SUPT3H: variants seen among roughly 807,000 people sequenced by gnomAD.
SUPT3H encodes SPT3 homolog, SAGA and STAGA complex component.
In SUPT3H, 44 loss-of-function variants were observed where a neutral mutation model predicts 44.3. The ratio of observed to expected loss-of-function variants is 0.99; its 90% CI spans 0.78 to 1.28. The LOEUF is 1.28. SUPT3H is among the 50% of genes most tolerant of loss of function. The pLI, the probability that SUPT3H is intolerant of heterozygous loss-of-function variation, is 0.00. For missense variants in SUPT3H, 380 were observed against 387.1 expected (o/e 0.98, Z 0.15); for synonymous variants, 124 against 125.6 (o/e 0.99, Z 0.09).
rs573548440 is a variant in SUPT3H, at chr6:45,018,709, G to T, written c.273+1837C>A. Among the ~76,000 whole-genome samples the T allele has an allele frequency of 4.3e-4, 66 of 152,150 alleles. No homozygotes were observed. In the South Asian group the frequency reaches 0.014, roughly 32 times the overall value. On this transcript the variant is annotated intron_variant, in intron 4 of 10. Coordinates refer to ENST00000371459, the MANE Select transcript of SUPT3H (RefSeq NM_003599.4). ...CCATGGATGAAGCCCACTTGATCAT[G>T]GTGGATAAGCTTTTTGATGTGCTGC...
At chr6:45,062,656 G>A (rs571879595) in intron 3 of SUPT3H, among the ~76,000 whole-genome samples, 205 of 152,338 alleles carry the variant, frequency 1.3e-3, no homozygotes, top group African/African-American at 4.6e-3. Flanking sequence ...TGGGAAGCGC[G>A]AGGGGTCAGG....
intron 2 of SUPT3H, among the ~76,000 whole-genome samples, chr6:45,150,272 G>A (rs1403472398): frequency 2.0e-5 from 3 of 152,108 alleles, no homozygotes; most frequent in Non-Finnish European, 2.9e-5. Flanking sequence ...GTAGCATTCA[G>A]ATATAGCTTA....
At chr6:45,280,695 G>A (rs34927422) in intron 2 of SUPT3H, among the ~76,000 whole-genome samples, 26,946 of 152,130 alleles carry the variant, frequency 0.18, 3,671 homozygotes, top group African/African-American at 0.38. Context: ...GTAATAAAAG[G>A]TCTATTGTGG....
At chr6:45,235,275 C>G (rs1186652773) in intron 2 of SUPT3H, among the ~76,000 whole-genome samples, 1 of 152,082 alleles carries the variant, frequency 6.6e-6, no homozygotes, top group African/African-American at 2.4e-5. Flanking sequence ...ATGAATAATT[C>G]TAATAACTGA....
At position 45,284,451 on chromosome 6, in the gene SUPT3H, G is replaced by A. The variant is rs560218277; in HGVS notation, c.101+80750C>T. ...CACAGAAATACAAACTATCATCAGA[G>A]AATACTATAAACACCTCTACGCAAA... On this transcript the variant is annotated intron_variant, in intron 2 of 10. Transcript: ENST00000371459. 2.0e-5 allele frequency among the ~76,000 whole-genome samples: 3 copies of A among 152,232 alleles called. 1 individual carries two copies. In the South Asian group the frequency reaches 6.2e-4, roughly 32 times the overall value.
At chr6:45,073,611 A>G (rs1269268314) in intron 3 of SUPT3H, among the ~76,000 whole-genome samples, 2 of 152,052 alleles carry the variant, frequency 1.3e-5, no homozygotes, top group Non-Finnish European at 2.9e-5. Context: ...TAGAATAGTC[A>G]CTAATTTATG....
At chr6:44,830,973 A>T (rs1768577859) in intron 10 of SUPT3H, among the ~76,000 whole-genome samples, 1 of 152,070 alleles carries the variant, frequency 6.6e-6, no homozygotes, top group Non-Finnish European at 1.5e-5. Flanking sequence ...AAATAATTAA[A>T]CCACATTTAT....
At chr6:44,834,835 G>T (rs1769510674) in intron 10 of SUPT3H, among the ~76,000 whole-genome samples, 1 of 152,090 alleles carries the variant, frequency 6.6e-6, no homozygotes. Context: ...CTTGGGAGCA[G>T]AACAAAAGTG....
intron 10 of SUPT3H, among the ~76,000 whole-genome samples, chr6:44,862,533 C>T (rs1310872157): frequency 5.9e-5 from 9 of 151,650 alleles, no homozygotes; most frequent in African/African-American, 1.5e-4. Context: ...AAAAATTAGC[C>T]GGGCGTGGTG....
chr6:45,107,522 C>A (rs1002998742), intron 2 of SUPT3H, among the ~76,000 whole-genome samples: 7 of 152,106 alleles, frequency 4.6e-5, no homozygotes, highest in African/African-American at 1.7e-4. Flanking sequence ...GGAAAAAAAT[C>A]TTCCCTAAGA....
At chr6:44,874,963 C>T (rs1266562229) in intron 10 of SUPT3H, among the ~76,000 whole-genome samples, 1 of 117,126 alleles carries the variant, frequency 8.5e-6, no homozygotes, top group East Asian at 2.4e-4. Flanking sequence ...AGGACCTCTT[C>T]AAGGAGAACT....
chr6:45,357,881 G>A (rs1053556778), intron 2 of SUPT3H, among the ~76,000 whole-genome samples: 10 of 151,992 alleles, frequency 6.6e-5, no homozygotes, highest in Non-Finnish European at 1.5e-4. Flanking sequence ...GGATTTTTCA[G>A]AAAGACTAAG....
chr6:44,830,149 A>G (rs1189096712), intron 10 of SUPT3H, among the ~76,000 whole-genome samples: 1 of 152,188 alleles, frequency 6.6e-6, no homozygotes, highest in Non-Finnish European at 1.5e-5. Flanking sequence ...AAAGAGATGT[A>G]TTGAATCTGT....
chr6:45,282,914 G>C (rs1466576988), intron 2 of SUPT3H, among the ~76,000 whole-genome samples: 4 of 152,240 alleles, frequency 2.6e-5, no homozygotes, highest in Non-Finnish European at 2.9e-5. Context: ...AGCCAGAAGA[G>C]AGTGGGGGCC....
At position 45,231,006 on chromosome 6, in the gene SUPT3H, A is replaced by G. The variant is rs531080175; in HGVS notation, c.102-125000T>C. Among the ~76,000 whole-genome samples, 3 of 152,156 alleles carry G rather than the reference A, an allele frequency of 2.0e-5. No individual in the cohort carries two copies. The East Asian group carries it at 5.8e-4, about 29-fold the overall frequency. On this transcript the variant is annotated intron_variant, in intron 2 of 10. Coordinates refer to ENST00000371459, the MANE Select transcript of SUPT3H (RefSeq NM_003599.4). ...TTTTAAGAATTTAAATCATTTACAC[A>G]CAGGTTATTATGGATATGAAAGGTT...
chr6:45,358,729 T>C (rs1209030184), intron 2 of SUPT3H, among the ~76,000 whole-genome samples: 4 of 152,160 alleles, frequency 2.6e-5, no homozygotes, highest in African/African-American at 7.2e-5. Context: ...TTTTCAGATT[T>C]TTGAAAGTTA....
Position 44,932,724 on chromosome 6 carries a change from T to C in SUPT3H, c.841A>G (p.Ile281Val). ...ACGVEAHSDA[I>V]QPCHIREAIR... The stretch of plus-strand genomic sequence containing the variant: ...GCCTCTCTGATGTGGCAGGGCTGGA[T>C]GGCATCGCTGTGAGCCTCAACACCA... Residue 281 changes from isoleucine (I) to valine (V), a missense_variant, in exon 10 of 11, where the codon ATC (isoleucine) becomes GTC (valine). Physicochemically the swap from Ile to Val is conservative, Grantham distance 29. Transcript: ENST00000371459. The C allele has an allele frequency of 6.2e-7, 1 of 1,610,860 alleles. No homozygotes were observed. The highest frequency in any genetic ancestry group is 2.2e-5 in the East Asian group (1 of 44,588).
chr6:44,978,411 G>T (rs1470050454), intron 6 of SUPT3H, among the ~76,000 whole-genome samples: 1 of 152,104 alleles, frequency 6.6e-6, no homozygotes, highest in Non-Finnish European at 1.5e-5. Flanking sequence ...TAATATGTAG[G>T]TCTATATGAC....
chr6:45,240,034 T>A (rs939046345), intron 2 of SUPT3H, among the ~76,000 whole-genome samples: 1 of 152,188 alleles, frequency 6.6e-6, no homozygotes, highest in Admixed American at 6.5e-5. Flanking sequence ...AGAGATCCGA[T>A]AACAAAAAGT....
Sources: allele counts gnomAD v4.1 joint callset (sites outside exome capture counted in the v4.1 genomes callset), GRCh38; gene constraint gnomAD v4.1.1; transcripts MANE v1.5; gene names NCBI Gene and HGNC (gene_info 2026-07-23, HGNC 2026-07-21).